Variants in NAALADL2 observed in about 807,000 individuals in gnomAD.
NAALADL2 encodes the protein inactive N-acetylated-alpha-linked acidic dipeptidase-like protein 2.
In NAALADL2, 76 loss-of-function variants were observed where a neutral mutation model predicts 87.2. The ratio of observed to expected loss-of-function variants is 0.87; its 90% CI spans 0.72 to 1.05. The LOEUF (loss-of-function observed/expected upper bound fraction) is 1.05, where lower values mean the gene tolerates loss of function less well. NAALADL2 is among the 50% of genes least tolerant of loss of function. The pLI is 0.00. For missense variants in NAALADL2, 1,089 were observed against 945.8 expected (o/e 1.15, Z -1.99); for synonymous variants, 354 against 331.0 (o/e 1.07, Z -0.75).
At chr3:175,182,837 C>G (rs1736794373) in intron 2 of NAALADL2, among the ~76,000 whole-genome samples, 1 of 151,796 alleles carries the variant, frequency 6.6e-6, no homozygotes, top group Non-Finnish European at 1.5e-5. Flanking sequence ...AGCTTTTCCT[C>G]TCTGTTTTCT....
chr3:174,591,754 T>A (rs555662637), intron 2 of NAALADL2, among the ~76,000 whole-genome samples: 17 of 152,220 alleles, frequency 1.1e-4, no homozygotes, highest in Non-Finnish European at 2.2e-4. Flanking sequence ...AAAGTTAGAA[T>A]GAAATTATAG....
chr3:175,534,693 A>C (rs1426589273), intron 9 of NAALADL2, among the ~76,000 whole-genome samples: 1 of 151,588 alleles, frequency 6.6e-6, no homozygotes, highest in Non-Finnish European at 1.5e-5. Flanking sequence ...AACACAATTC[A>C]ACTGGGTATT....
intron 5 of NAALADL2, among the ~76,000 whole-genome samples, chr3:175,332,317 A>G (rs1455378474): frequency 6.6e-6 from 1 of 152,218 alleles, no homozygotes; most frequent in African/African-American, 2.4e-5. Flanking sequence ...ACCTGACTTC[A>G]AAGTATATTA....
chr3:175,162,773 A>C (rs1461392306), intron 2 of NAALADL2, among the ~76,000 whole-genome samples: 1 of 152,144 alleles, frequency 6.6e-6, no homozygotes. Context: ...TTGTTTGTTC[A>C]TATTAATTTG....
intron 1 of NAALADL2, among the ~76,000 whole-genome samples, chr3:174,530,759 C>G (rs1297389283): frequency 6.6e-6 from 1 of 152,148 alleles, no homozygotes; most frequent in African/African-American, 2.4e-5. Flanking sequence ...CCCACCGGGT[C>G]CCTCCCACAA....
intron 9 of NAALADL2, among the ~76,000 whole-genome samples, chr3:175,499,668 T>C (rs1729277318): frequency 6.6e-6 from 1 of 152,118 alleles, no homozygotes; most frequent in Non-Finnish European, 1.5e-5. Flanking sequence ...AAAATTATTC[T>C]TTTTGAATCT....
At chr3:174,444,686 T>C (rs1038219455) in intron 1 of NAALADL2, among the ~76,000 whole-genome samples, 1 of 152,158 alleles carries the variant, frequency 6.6e-6, no homozygotes, top group African/African-American at 2.4e-5. Context: ...ATATTACCGT[T>C]ATTATCAAAC....
At position 175,809,260 on chromosome 3, in the gene NAALADL2, A is replaced by G. The variant is rs758378395; in HGVS notation, c.*6057A>G. 2.0e-5 allele frequency: 3 copies of G among 151,958 alleles called. No individual in the cohort carries two copies. Among genetic ancestry groups the G allele is most frequent in the Non-Finnish European group, 4.4e-5 (3 of 67,942 alleles). The allele number at this position is 151,958 out of a possible 1,614,324, so 9.4% of individuals were successfully genotyped here. A position where few individuals can be genotyped will look rare whatever the true frequency, so the allele number is the denominator to read the frequency against. Reference sequence around the variant, plus strand: ...TGCCAGATGGTTAAGTGTAGCTCACATAATTATATTCCAAAGGTGTTATAA... The same window carrying G: ...TGCCAGATGGTTAAGTGTAGCTCACGTAATTATATTCCAAAGGTGTTATAA... On this transcript the variant is annotated 3_prime_UTR_variant, in exon 14 of 14. Coordinates refer to ENST00000454872, the MANE Select transcript of NAALADL2 (RefSeq NM_207015.3).
chr3:175,683,261 G>C (rs1446860427), intron 11 of NAALADL2, among the ~76,000 whole-genome samples: 2 of 151,882 alleles, frequency 1.3e-5, no homozygotes, highest in Non-Finnish European at 2.9e-5. Flanking sequence ...CCCATTTTGT[G>C]TTAGATTGTG....
At chr3:175,111,032 G>C (rs999705759) in intron 2 of NAALADL2, among the ~76,000 whole-genome samples, 1 of 151,682 alleles carries the variant, frequency 6.6e-6, no homozygotes, top group East Asian at 1.9e-4. Flanking sequence ...TAGAAGAAGG[G>C]AAGAAAAAAG....
intron 3 of NAALADL2, among the ~76,000 whole-genome samples, chr3:174,787,604 T>TACACAC (rs1553855443): frequency 1.1e-5 from 1 of 87,938 alleles, no homozygotes; most frequent in South Asian, 5.0e-4. Flanking sequence ...TATATATATA[T>TACACAC]ATATATATAT....
intron 1 of NAALADL2, among the ~76,000 whole-genome samples, chr3:174,528,415 A>C (rs1046264929): frequency 2.6e-5 from 4 of 152,134 alleles, no homozygotes; most frequent in Non-Finnish European, 5.9e-5. Context: ...AGATCACCTG[A>C]GGTCAGGAGT....
intron 2 of NAALADL2, among the ~76,000 whole-genome samples, chr3:174,588,844 A>G (rs978074810): frequency 4.6e-5 from 7 of 152,206 alleles, no homozygotes; most frequent in African/African-American, 1.7e-4. Context: ...TTGAGGAGGC[A>G]GTCTGTCTGT....
At chr3:174,509,922 C>A (rs796441792) in intron 1 of NAALADL2, among the ~76,000 whole-genome samples, 5 of 152,104 alleles carry the variant, frequency 3.3e-5, no homozygotes, top group South Asian at 4.2e-4. Context: ...TGAGAAGTTC[C>A]CTTCTACTTT....
At chr3:175,384,701 AATT>A (rs1237204896) in intron 5 of NAALADL2, among the ~76,000 whole-genome samples, 15 of 151,582 alleles carry the variant, frequency 9.9e-5, no homozygotes, top group Admixed American at 7.3e-4. Flanking sequence ...TATTTCCAGA[AATT>A]ATTACCAATA....
intron 1 of NAALADL2, among the ~76,000 whole-genome samples, chr3:174,536,010 T>C (rs1311525686): frequency 1.3e-5 from 2 of 152,080 alleles, no homozygotes; most frequent in African/African-American, 4.8e-5. Flanking sequence ...ACTAATGAAA[T>C]TTTACCTTGC....
chr3:175,791,723 T>C (rs528434962), intron 13 of NAALADL2, among the ~76,000 whole-genome samples: 12 of 152,156 alleles, frequency 7.9e-5, no homozygotes, highest in African/African-American at 2.9e-4. Flanking sequence ...CTTCTATCAT[T>C]TCTGTAAACT....
chr3:175,058,210 G>A (rs1712638659), intron 1 of NAALADL2, among the ~76,000 whole-genome samples: 1 of 152,080 alleles, frequency 6.6e-6, no homozygotes, highest in South Asian at 2.1e-4. Flanking sequence ...AACTTCTTTA[G>A]GCACAATGTG....
chr3:175,690,374 AG>A (rs1736887493), intron 11 of NAALADL2, among the ~76,000 whole-genome samples: 2 of 152,138 alleles, frequency 1.3e-5, no homozygotes, highest in Admixed American at 1.3e-4. Context: ...GAAGATATGT[AG>A]TACAGCCACA....
Sources: allele counts gnomAD v4.1 joint callset (sites outside exome capture counted in the v4.1 genomes callset), GRCh38; gene constraint gnomAD v4.1.1; transcripts MANE v1.5; gene names NCBI Gene and HGNC (gene_info 2026-07-23, HGNC 2026-07-21).